The following BRD4 variants were observed in gnomAD, a reference collection of about 807,000 sequenced individuals.
The protein encoded by BRD4 is bromodomain containing 4.
A neutral mutation model predicts 142.1 loss-of-function variants in BRD4; 16 were observed. That is an observed-to-expected ratio of 0.11 (90% CI 0.08 to 0.17). The LOEUF (loss-of-function observed/expected upper bound fraction) is 0.17, where lower values mean the gene tolerates loss of function less well. Ranked by LOEUF, BRD4 falls within the 10% of genes least tolerant of loss-of-function variation. The pLI, the probability that BRD4 is intolerant of heterozygous loss-of-function variation, is 1.00. For synonymous variants in BRD4, 833 were observed against 707.5 expected (o/e 1.18, Z -2.82); for missense variants, 1,424 against 1,810.9 (o/e 0.79, Z 3.88).
intron 1 of BRD4, among the ~76,000 whole-genome samples, chr19:15,322,525 C>T (rs12973964): frequency 0.14 from 20,206 of 148,360 alleles, 1,536 homozygotes; most frequent in Middle Eastern, 0.2. Context: ...CTGGCTAACA[C>T]GGTGAAACCC....
chr19:15,311,123 T>G (rs967197590), intron 1 of BRD4, among the ~76,000 whole-genome samples: 3 of 151,910 alleles, frequency 2.0e-5, no homozygotes, highest in African/African-American at 7.2e-5. Flanking sequence ...AAACCCTGTC[T>G]GTATTAAAAA....
intron 7 of BRD4, among the ~76,000 whole-genome samples, chr19:15,261,618 G>GC (rs1426307116): frequency 6.6e-6 from 1 of 152,190 alleles, no homozygotes; most frequent in East Asian, 1.9e-4. Flanking sequence ...TGAAGAGAGG[G>GC]CAACAATTCC....
intron 11 of BRD4, among the ~76,000 whole-genome samples, chr19:15,252,223 G>A (rs538656068): frequency 6.6e-6 from 1 of 152,324 alleles, no homozygotes; most frequent in East Asian, 1.9e-4. Flanking sequence ...ATCACACACT[G>A]GAAATCAGGA....
intron 1 of BRD4, among the ~76,000 whole-genome samples, chr19:15,299,386 C>G (rs899222440): frequency 6.6e-6 from 1 of 152,214 alleles, no homozygotes; most frequent in Admixed American, 6.5e-5. Flanking sequence ...TTTTACCCAT[C>G]AAAGCCTGAC....
At chr19:15,267,341 C>A in intron 4 of BRD4, 75 bp downstream of exon 4, 1 of 1,561,480 alleles carries the variant, frequency 6.4e-7, no homozygotes, top group South Asian at 1.2e-5. Context: ...CTGCCACTCC[C>A]AGCCCCCCAC....
rs200117669 is a variant in BRD4, at chr19:15,239,998, G to A, written c.3194C>T (p.Pro1065Leu). The change falls in exon 15 of 20, where the codon CCG becomes CTG. Residue 1065 changes from proline (P) to leucine (L), a missense_variant. Physicochemically the swap from Pro to Leu is moderately conservative, Grantham distance 98. Coordinates refer to ENST00000679869, the MANE Select transcript of BRD4 (RefSeq NM_001379291.1). The surrounding 1 kb of genome is among the most constrained non-coding windows in gnomAD (Gnocchi z 7.4). ...CATCTGGGGGGAATGTATCATAAGCGGGGAGGGGGCTTCGCGGAGGTGACC... is the reference window on the plus strand; with the variant it reads ...CATCTGGGGGGAATGTATCATAAGCAGGGAGGGGGCTTCGCGGAGGTGACC... ...STGHLREAPS[P>L]LMIHSPQMSQ... The A allele has an allele frequency of 8.7e-6, 14 of 1,613,148 alleles. No homozygotes were observed. Among genetic ancestry groups the A allele is most frequent in the South Asian group, 1.1e-5 (1 of 91,050 alleles).
chr19:15,316,028 C>T (rs1362483652), intron 1 of BRD4, among the ~76,000 whole-genome samples: 2 of 150,604 alleles, frequency 1.3e-5, no homozygotes, highest in African/African-American at 4.9e-5. Flanking sequence ...TAGTGGCGGG[C>T]GCCTGTGGTC....
At chr19:15,273,157 C>T (rs950461722) in intron 1 of BRD4, 24 bp from the exon 2 acceptor site, 13 of 1,522,692 alleles carry the variant, frequency 8.5e-6, no homozygotes, top group South Asian at 5.1e-5. Flanking sequence ...GAAGAGCCCC[C>T]GTGAGATATC....
At position 15,243,429 on chromosome 19, in the gene BRD4, C is replaced by T. The variant is rs2145512245; in HGVS notation, c.2640G>A (p.Leu880=). Residue 880 remains leucine, a synonymous_variant, in exon 14 of 20, where the codon CTG becomes CTA. Transcript: ENST00000679869. The part of the protein sequence containing the change: ...PSRPSNRAAA[L]PPKPARPPAV... ...CTGGGGGCCGGGCGGGCTTGGGAGG[C>T]AGGGCAGCGGCTCGGTTGCTGGGCC... 1 of 1,576,014 alleles carries T rather than the reference C, an allele frequency of 6.3e-7. No individual in the cohort carries two copies. The highest frequency in any genetic ancestry group is 8.6e-7 in the Non-Finnish European group (1 of 1,163,566).
At chr19:15,287,629 C>T (rs1460630947) in intron 1 of BRD4, among the ~76,000 whole-genome samples, 3 of 152,162 alleles carry the variant, frequency 2.0e-5, no homozygotes, top group Non-Finnish European at 4.4e-5. Context: ...CTCTGGCAAC[C>T]ACCATTCTAC....
At chr19:15,310,176 G>A (rs1281697718) in intron 1 of BRD4, among the ~76,000 whole-genome samples, 3 of 150,044 alleles carry the variant, frequency 2.0e-5, no homozygotes, top group African/African-American at 7.4e-5. Flanking sequence ...CCTGGGAGCT[G>A]ATGAAAGGGT....
rs2047739470 is a variant in BRD4 at position 15,286,289 on chromosome 19, G to GC, written c.-34-13157dup. Among the ~76,000 whole-genome samples, 9 of 152,322 alleles carry GC rather than the reference G, an allele frequency of 5.9e-5. No homozygotes were observed. The South Asian group carries it at 1.9e-3, about 32-fold the overall frequency. ...ATGGAGGAGCCAACACAGTGCTGCA[G>GC]CAAGACCATAATCAGGCACCGTGGT... On this transcript the variant is annotated intron_variant, in intron 1 of 19. Transcript: ENST00000679869.
chr19:15,304,220 G>A (rs2047894896), intron 1 of BRD4, among the ~76,000 whole-genome samples: 1 of 152,142 alleles, frequency 6.6e-6, no homozygotes, highest in Non-Finnish European at 1.5e-5. Flanking sequence ...AGGTCCCCCG[G>A]ATCTCCAGCC....
At chr19:15,322,190 A>T (rs1030258625) in intron 1 of BRD4, among the ~76,000 whole-genome samples, 5 of 152,092 alleles carry the variant, frequency 3.3e-5, no homozygotes, top group African/African-American at 1.2e-4. Context: ...AAATTGTGAC[A>T]CCCTCTGACA....
rs201073757 is a variant in BRD4, at chr19:15,244,286, C to T, written c.2526G>A (p.Pro842=). The change falls in exon 13 of 20, where the codon CCG becomes CCA. Residue 842 remains proline, a synonymous_variant. Transcript: ENST00000679869. ...GATGGGGTGGAGTGCTGTGCTCAGG[C>T]GGCTGGGGCAGGTGAGGGGGCAGCT... ...QPELPPHLPQ[P]PEHSTPPHLN... 6.6e-5 allele frequency: 105 copies of T among 1,591,994 alleles called. No individual in the cohort carries two copies. Among genetic ancestry groups the T allele is most frequent in the Middle Eastern group, 3.9e-4 (2 of 5,164 alleles).
chr19:15,276,927 C>T (rs915526742), intron 1 of BRD4, among the ~76,000 whole-genome samples: 1 of 152,072 alleles, frequency 6.6e-6, no homozygotes, highest in African/African-American at 2.4e-5. Context: ...GAGGGACAGG[C>T]GGCATCTCTG....
chr19:15,246,010 G>GT (rs937361257), intron 11 of BRD4, among the ~76,000 whole-genome samples: 9 of 152,188 alleles, frequency 5.9e-5, no homozygotes, highest in African/African-American at 1.7e-4. Flanking sequence ...CTTGTGCCCT[G>GT]TAAGAGCTCA....
chr19:15,278,151 C>T (rs1374961609), intron 1 of BRD4, among the ~76,000 whole-genome samples: 1 of 120,300 alleles, frequency 8.3e-6, no homozygotes, highest in Admixed American at 8.8e-5. Flanking sequence ...TCAAAATCAA[C>T]ATCAACAGGA....
chr19:15,321,475 G>A (rs1283477848), intron 1 of BRD4, among the ~76,000 whole-genome samples: 2 of 151,714 alleles, frequency 1.3e-5, no homozygotes, highest in East Asian at 3.9e-4. Flanking sequence ...TCTGCACATG[G>A]TCAGAGATGG....
Sources: gnomAD v4.1 joint callset for allele counts (sites outside exome capture counted in the v4.1 genomes callset) on GRCh38, gnomAD v4.1.1 for gene constraint, Gnocchi (gnomAD v3.1) non-coding constraint, MANE v1.5 for transcripts, NCBI Gene and HGNC (gene_info 2026-07-23, HGNC 2026-07-21) for gene names.